KCNH5: variants seen among roughly 807,000 people sequenced by gnomAD.
KCNH5 encodes the protein voltage-gated delayed rectifier potassium channel KCNH5.
In KCNH5, 46 loss-of-function variants were observed where a neutral mutation model predicts 96.1. The ratio of observed to expected loss-of-function variants is 0.48; its 90% CI spans 0.38 to 0.61. The LOEUF (loss-of-function observed/expected upper bound fraction) is 0.61, where lower values mean the gene tolerates loss of function less well. Ranked by LOEUF, KCNH5 falls within the 20% of genes least tolerant of loss-of-function variation. The pLI is 0.00. For synonymous variants in KCNH5, 439 were observed against 449.8 expected (o/e 0.98, Z 0.30); for missense variants, 907 against 1,225.8 (o/e 0.74, Z 3.88).
chr14:62,994,772 T>A (rs1286642656), intron 4 of KCNH5, among the ~76,000 whole-genome samples: 2 of 151,906 alleles, frequency 1.3e-5, no homozygotes, highest in Non-Finnish European at 2.9e-5. Context: ...TTGAAATCAG[T>A]CAGACGTTGA....
chr14:62,911,288 T>G (rs550823957), intron 7 of KCNH5, among the ~76,000 whole-genome samples: 40 of 151,140 alleles, frequency 2.6e-4, no homozygotes, highest in African/African-American at 9.2e-4. Flanking sequence ...TTTTCTTTTT[T>G]TTTTTTTTGA....
At chr14:62,807,718 C>A (rs73273199) in intron 8 of KCNH5, among the ~76,000 whole-genome samples, 1 of 151,822 alleles carries the variant, frequency 6.6e-6, no homozygotes, top group Non-Finnish European at 1.5e-5. Flanking sequence ...GATCTTGTAC[C>A]GTAAATTCTT....
chr14:62,734,921 CA>C (rs1885125873), intron 10 of KCNH5, among the ~76,000 whole-genome samples: 1 of 152,044 alleles, frequency 6.6e-6, no homozygotes, highest in Non-Finnish European at 1.5e-5. Flanking sequence ...TGAAACATTT[CA>C]AAAATCCATG....
At chr14:62,779,951 C>G in intron 9 of KCNH5, 27 bp from the exon 10 acceptor site, 1 of 1,552,574 alleles carries the variant, frequency 6.4e-7, no homozygotes, top group Non-Finnish European at 8.8e-7. Context: ...GATACATATT[C>G]AAGTATCTAA....
chr14:62,875,840 A>C (rs1159222172), intron 7 of KCNH5, among the ~76,000 whole-genome samples: 1 of 151,962 alleles, frequency 6.6e-6, no homozygotes, highest in Non-Finnish European at 1.5e-5. Flanking sequence ...AGAAATTGTC[A>C]ATGTTACGTT....
intron 10 of KCNH5, among the ~76,000 whole-genome samples, chr14:62,748,951 G>T (rs1046397216): frequency 6.6e-6 from 1 of 152,122 alleles, no homozygotes; most frequent in East Asian, 1.9e-4. Flanking sequence ...GAACCAAGCC[G>T]ATATAGGGTC....
chr14:62,908,075 C>A (rs1011958194), intron 7 of KCNH5, among the ~76,000 whole-genome samples: 6 of 152,174 alleles, frequency 3.9e-5, no homozygotes, highest in Admixed American at 2.0e-4. Flanking sequence ...ACATACTACA[C>A]AAACTTTTGT....
intron 8 of KCNH5, among the ~76,000 whole-genome samples, chr14:62,803,565 A>C (rs900606155): frequency 6.6e-6 from 1 of 152,188 alleles, no homozygotes; most frequent in African/African-American, 2.4e-5. Flanking sequence ...CTGACTTCTG[A>C]AGACTACTGC....
chr14:62,892,335 A>C (rs1888727162), intron 7 of KCNH5, among the ~76,000 whole-genome samples: 1 of 152,244 alleles, frequency 6.6e-6, no homozygotes, highest in Admixed American at 6.5e-5. Flanking sequence ...AAGCCAGAGC[A>C]AGGCTCTAAC....
At chr14:62,797,172 G>A (rs1886558440) in intron 9 of KCNH5, among the ~76,000 whole-genome samples, 1 of 152,142 alleles carries the variant, frequency 6.6e-6, no homozygotes, top group South Asian at 2.1e-4. Flanking sequence ...TTTGAAGGAT[G>A]ATGGAGGGAG....
chr14:62,782,835 A>C (rs139860773), intron 9 of KCNH5, among the ~76,000 whole-genome samples: 1 of 152,204 alleles, frequency 6.6e-6, no homozygotes, highest in African/African-American at 2.4e-5. Context: ...AATAAAATGA[A>C]ATAAAAAAAA....
chr14:62,730,567 T>C (rs1885027457), intron 10 of KCNH5, among the ~76,000 whole-genome samples: 1 of 152,220 alleles, frequency 6.6e-6, no homozygotes, highest in Non-Finnish European at 1.5e-5. Context: ...TACTCTTCAC[T>C]ATATGAAAAG....
Position 63,006,432 on chromosome 14 carries a change from T to C in KCNH5, c.238A>G (p.Lys80Glu). 1 of 1,612,878 alleles carries C rather than the reference T, an allele frequency of 6.2e-7. No individual in the cohort carries two copies. The highest frequency in any genetic ancestry group is 8.5e-7 in the Non-Finnish European group (1 of 1,179,130). Reference protein sequence around the residue: ...GELTDKKTIEKVRQTFDNYES... With the variant: ...GELTDKKTIEEVRQTFDNYES... ...TAGTTGTCAAAAGTTTGCCTGACTTTCTCAATGGTCTTCTTGTCAGTCAAT... is the reference window on the plus strand; with the variant it reads ...TAGTTGTCAAAAGTTTGCCTGACTTCCTCAATGGTCTTCTTGTCAGTCAAT... Residue 80 changes from lysine to glutamate, a missense_variant, in exon 3 of 11, where the codon AAA becomes GAA. Physicochemically the swap from Lys to Glu is moderately conservative, Grantham distance 56. Transcript: ENST00000322893.
intron 6 of KCNH5, among the ~76,000 whole-genome samples, chr14:62,954,555 A>T (rs532536368): frequency 6.6e-6 from 1 of 152,362 alleles, no homozygotes; most frequent in East Asian, 1.9e-4. Context: ...TTACAAACTC[A>T]GAATGATTTA....
intron 7 of KCNH5, among the ~76,000 whole-genome samples, chr14:62,916,432 C>T (rs1889276292): frequency 6.6e-6 from 1 of 152,242 alleles, no homozygotes; most frequent in Admixed American, 6.5e-5. Context: ...AAACAATTGG[C>T]ATCTTCTTAG....
intron 7 of KCNH5, among the ~76,000 whole-genome samples, chr14:62,870,796 T>G (rs1156538164): frequency 1.3e-5 from 2 of 152,184 alleles, no homozygotes; most frequent in Non-Finnish European, 2.9e-5. Context: ...AAAAAAACTC[T>G]CTGGCATAGG....
At chr14:62,829,401 G>C (rs1278914107) in intron 8 of KCNH5, among the ~76,000 whole-genome samples, 3 of 152,186 alleles carry the variant, frequency 2.0e-5, no homozygotes, top group East Asian at 1.9e-4. Flanking sequence ...CCTGCAGCAG[G>C]CTTCTGCCTA....
intron 1 of KCNH5, among the ~76,000 whole-genome samples, chr14:63,029,686 T>C (rs1301287475): frequency 6.6e-6 from 1 of 152,088 alleles, no homozygotes; most frequent in Non-Finnish European, 1.5e-5. Flanking sequence ...GGGAGACAGA[T>C]TTTTTAATTA....
intron 10 of KCNH5, chr14:62,712,826 C>G: frequency 1.4e-6 from 1 of 706,794 alleles, no homozygotes; most frequent in African/African-American, 1.8e-5. Context: ...TCCTTACTCT[C>G]CAAAGCAGAG....
Sources: gnomAD v4.1 joint callset for allele counts (sites outside exome capture counted in the v4.1 genomes callset) on GRCh38, gnomAD v4.1.1 for gene constraint, MANE v1.5 for transcripts, NCBI Gene and HGNC (gene_info 2026-07-23, HGNC 2026-07-21) for gene names.